Variants in ANO6 observed in about 807,000 individuals in gnomAD.
The protein encoded by ANO6 is anoctamin 6.
ANO6 carries 106 observed loss-of-function variants against 117.5 expected under a neutral mutation model. That is an observed-to-expected ratio of 0.90 (90% CI 0.77 to 1.06). The LOEUF (loss-of-function observed/expected upper bound fraction) is 1.06. Ranked by LOEUF, ANO6 falls within the 50% of genes least tolerant of loss-of-function variation. The pLI, the probability that ANO6 is intolerant of heterozygous loss-of-function variation, is 0.00. For missense variants in ANO6, 955 were observed against 1,121.1 expected (o/e 0.85, Z 2.12); for synonymous variants, 367 against 385.1 (o/e 0.95, Z 0.55).
chr12:45,217,847 T>C (rs11615240), intron 1 of ANO6, among the ~76,000 whole-genome samples: 1 of 152,334 alleles, frequency 6.6e-6, no homozygotes, highest in Middle Eastern at 3.4e-3. Context: ...GAAAGTATTA[T>C]TGTCTTTTAT....
intron 12 of ANO6, among the ~76,000 whole-genome samples, chr12:45,398,816 TG>T (rs1219637640): frequency 2.6e-5 from 4 of 152,226 alleles, no homozygotes; most frequent in Non-Finnish European, 4.4e-5. Context: ...TACATAATCC[TG>T]AAGGAATTGT....
Position 45,324,128 on chromosome 12 carries a change from A to G in ANO6, c.151-7167A>G, listed in dbSNP as rs576816153. Among the ~76,000 whole-genome samples the G allele has an allele frequency of 1.2e-4, 18 of 151,816 alleles. No homozygotes were observed. The South Asian group carries it at 3.8e-3, about 32-fold the overall frequency. On this transcript the variant is annotated intron_variant, in intron 2 of 19. Transcript: ENST00000320560. ...AATTTTGTATTTTTAGTAGAGACGG[A>G]GTTTCTCCATGTTGAGGCTGGTCTC...
At chr12:45,409,937 G>T (rs1177055956) in intron 16 of ANO6, among the ~76,000 whole-genome samples, 1 of 152,078 alleles carries the variant, frequency 6.6e-6, no homozygotes, top group Non-Finnish European at 1.5e-5. Flanking sequence ...TGGACTTTTA[G>T]TACTGACAGG....
chr12:45,317,136 T>TATATATATGTATATATATATATATATATA (rs1940070455), intron 2 of ANO6, among the ~76,000 whole-genome samples: 1 of 108,958 alleles, frequency 9.2e-6, no homozygotes, highest in Non-Finnish European at 2.1e-5. Context: ...TATATATTTA[T>TATATATATGTATATATATATATATATATA]TATACTTTAA....
intron 16 of ANO6, among the ~76,000 whole-genome samples, chr12:45,412,717 C>T (rs780723908): frequency 5.9e-5 from 9 of 152,202 alleles, no homozygotes; most frequent in Non-Finnish European, 1.3e-4. Context: ...TTCATTCACT[C>T]ATTCATCCAT....
At chr12:45,288,835 C>T (rs947597022) in intron 1 of ANO6, among the ~76,000 whole-genome samples, 2 of 152,130 alleles carry the variant, frequency 1.3e-5, no homozygotes, top group African/African-American at 4.8e-5. Flanking sequence ...GCAAGCTCCA[C>T]CTCCTGGGTT....
chr12:45,281,509 C>T (rs1442685284), intron 1 of ANO6, among the ~76,000 whole-genome samples: 1 of 152,188 alleles, frequency 6.6e-6, no homozygotes, highest in Admixed American at 6.5e-5. Flanking sequence ...GGGGAGGCAG[C>T]ATGTCCCATA....
chr12:45,250,898 C>T (rs1032925242), intron 1 of ANO6, among the ~76,000 whole-genome samples: 7 of 151,676 alleles, frequency 4.6e-5, no homozygotes. Flanking sequence ...GGCCCTGGTA[C>T]TTTCTGAGTT....
At chr12:45,253,154 G>C (rs189849098) in intron 1 of ANO6, among the ~76,000 whole-genome samples, 1 of 152,206 alleles carries the variant, frequency 6.6e-6, no homozygotes. Context: ...ATTGCAGGGA[G>C]CAGGGAACAT....
chr12:45,275,401 G>C (rs946453003), intron 1 of ANO6, among the ~76,000 whole-genome samples: 7 of 152,038 alleles, frequency 4.6e-5, no homozygotes, highest in African/African-American at 1.7e-4. Flanking sequence ...GTAGAGATGG[G>C]GTTTCACCAC....
intron 1 of ANO6, among the ~76,000 whole-genome samples, chr12:45,220,090 G>C (rs777435869): frequency 1.3e-5 from 2 of 152,120 alleles, no homozygotes; most frequent in Non-Finnish European, 1.5e-5. Flanking sequence ...TAGCCAGAAT[G>C]CAGAAATCAG....
At chr12:45,378,150 A>G (rs764906345) in intron 10 of ANO6, 37 bp downstream of exon 10, 32 of 1,562,320 alleles carry the variant, frequency 2.0e-5, no homozygotes, top group Middle Eastern at 1.7e-4. Context: ...ACTCAATTTG[A>G]TAGTATTACA....
chr12:45,397,512 A>G lies in ANO6; in HGVS notation c.1387-4283A>G, dbSNP rs148970028. ...ATATATCCAAAAGATTATAAATCAT[A>G]CTACTATGAAGAAACATGCACATAT... is the stretch of plus-strand genomic sequence containing the variant. On this transcript the variant is annotated intron_variant, in intron 12 of 19. Transcript: ENST00000320560. Among the ~76,000 whole-genome samples the G allele has an allele frequency of 2.8e-3, 433 of 152,334 alleles. 2 individuals are homozygous for G. Among genetic ancestry groups the G allele is most frequent in the Non-Finnish European group, 4.7e-3 (321 of 68,020 alleles).
chr12:45,246,805 C>T (rs1379771029), intron 1 of ANO6, among the ~76,000 whole-genome samples: 2 of 146,442 alleles, frequency 1.4e-5, no homozygotes, highest in Non-Finnish European at 3.0e-5. Flanking sequence ...CACTGTGTTA[C>T]CCAGGTTGGA....
chr12:45,342,227 GTGA>G (rs1206286953), intron 3 of ANO6, among the ~76,000 whole-genome samples: 2 of 152,186 alleles, frequency 1.3e-5, no homozygotes, highest in East Asian at 3.9e-4. Context: ...TCCCTTGAAG[GTGA>G]TGAGTTGTAG....
chr12:45,359,617 A>G (rs563888838), intron 8 of ANO6, among the ~76,000 whole-genome samples: 12 of 149,452 alleles, frequency 8.0e-5, no homozygotes, highest in African/African-American at 2.7e-4. Context: ...TGTAGCATGT[A>G]TCAGTACTTC....
intron 2 of ANO6, among the ~76,000 whole-genome samples, chr12:45,323,452 T>C (rs1940348223): frequency 6.6e-6 from 1 of 152,204 alleles, no homozygotes. Flanking sequence ...AAGTTTCTGA[T>C]GATTATGAGC....
At chr12:45,418,423 TGGCAGTGA>T (rs1183451216) in intron 17 of ANO6, among the ~76,000 whole-genome samples, 1 of 152,130 alleles carries the variant, frequency 6.6e-6, no homozygotes, top group Non-Finnish European at 1.5e-5. Context: ...TTTAGAAAAA[TGGCAGTGA>T]GGCCTTTCAA....
chr12:45,305,908 GA>G (rs147294434), intron 2 of ANO6, among the ~76,000 whole-genome samples: 3 of 150,636 alleles, frequency 2.0e-5, no homozygotes, highest in Admixed American at 6.6e-5. Flanking sequence ...CCAAGGAGTT[GA>G]AAAAAAAATA....
Sources: allele counts gnomAD v4.1 joint callset (sites outside exome capture counted in the v4.1 genomes callset), GRCh38; gene constraint gnomAD v4.1.1; transcripts MANE v1.5; gene names NCBI Gene and HGNC (gene_info 2026-07-23, HGNC 2026-07-21).